PTPN12: variants seen among roughly 807,000 people sequenced by gnomAD.
The protein encoded by PTPN12 is tyrosine-protein phosphatase non-receptor type 12.
Under a neutral mutation model 97.6 loss-of-function variants are expected in PTPN12, and 29 were observed. That is an observed-to-expected ratio of 0.30 (90% CI 0.22 to 0.41). The LOEUF is 0.41. PTPN12 is among the 10% of genes least tolerant of loss of function. The probability of loss-of-function intolerance (pLI) is 1.00; values close to 1 mark genes in which losing one functional copy is unlikely to be tolerated. For missense variants in PTPN12, 819 were observed against 926.0 expected (o/e 0.88, Z 1.50); for synonymous variants, 327 against 300.4 (o/e 1.09, Z -0.91).
At chr7:77,564,746 GTTTTTTTTTTTTTTTT>G (rs764476553) in intron 1 of PTPN12, among the ~76,000 whole-genome samples, 5 of 45,402 alleles carry the variant, frequency 1.1e-4, no homozygotes, top group Non-Finnish European at 1.2e-4. Context: ...TTGTTGTCGT[GTTTTTTTTTTTTTTTT>G]TTTTTTTTTT....
At chr7:77,635,089 C>G (rs980099115) in intron 14 of PTPN12, among the ~76,000 whole-genome samples, 54 of 152,272 alleles carry the variant, frequency 3.5e-4, no homozygotes, top group Admixed American at 1.1e-3. Flanking sequence ...AAGTGATCTG[C>G]CTGCCTCAGC....
At chr7:77,572,884 A>G (rs574462693) in intron 2 of PTPN12, among the ~76,000 whole-genome samples, 3 of 152,210 alleles carry the variant, frequency 2.0e-5, no homozygotes, top group Non-Finnish European at 2.9e-5. Context: ...GGAGTTCGCG[A>G]CCAGCCTGAC....
intron 1 of PTPN12, chr7:77,563,867 A>G: frequency 1.1e-5 from 4 of 357,316 alleles, no homozygotes; most frequent in South Asian, 8.3e-5. Flanking sequence ...TAGTTGAAAG[A>G]CCCTTTGGTT....
chr7:77,574,255 G>A (rs1002951708), intron 2 of PTPN12, among the ~76,000 whole-genome samples: 1 of 152,148 alleles, frequency 6.6e-6, no homozygotes, highest in African/African-American at 2.4e-5. Context: ...TTTGGCTGGG[G>A]TAGTGGGAAA....
Position 77,554,326 on chromosome 7 carries a change from C to G in PTPN12, c.99+16681C>G, listed in dbSNP as rs148737864. Among the ~76,000 whole-genome samples, 1,359 of 152,212 alleles carry G rather than the reference C, an allele frequency of 8.9e-3. 7 individuals are homozygous for G. Among genetic ancestry groups the G allele is most frequent in the Middle Eastern group, 0.017 (5 of 294 alleles). On this transcript the variant is annotated intron_variant, in intron 1 of 17. Transcript: ENST00000248594. ...TTGCAATGTATATTTCCAGCAAATCCAAGTCCATTTTCAGGTAACACTGTA... is the reference window on the plus strand; with the variant it reads ...TTGCAATGTATATTTCCAGCAAATCGAAGTCCATTTTCAGGTAACACTGTA...
chr7:77,547,133 CTG>C (rs1807262979), intron 1 of PTPN12, among the ~76,000 whole-genome samples: 2 of 151,914 alleles, frequency 1.3e-5, no homozygotes, highest in African/African-American at 4.8e-5. Flanking sequence ...AGATTTGTCT[CTG>C]TCATCCATCC....
At chr7:77,592,097 T>A (rs1258187181) in intron 5 of PTPN12, 88 bp from the exon 6 acceptor site, 6 of 1,139,472 alleles carry the variant, frequency 5.3e-6, no homozygotes, top group Non-Finnish European at 7.6e-6. Flanking sequence ...GAAGTAGAAG[T>A]AAGCAGAACC....
intron 11 of PTPN12, among the ~76,000 whole-genome samples, chr7:77,617,848 G>T (rs924926611): frequency 5.3e-5 from 8 of 152,122 alleles, no homozygotes; most frequent in African/African-American, 1.9e-4. Context: ...TGATGTTATT[G>T]GTCCTTGTGA....
chr7:77,585,692 G>A (rs1787667175), intron 5 of PTPN12, 111 bp downstream of exon 5: 1 of 877,762 alleles, frequency 1.1e-6, no homozygotes, highest in South Asian at 1.8e-5. Context: ...CTTTTATTTT[G>A]GGGTACTGCT....
intron 16 of PTPN12, among the ~76,000 whole-genome samples, chr7:77,637,576 G>A (rs1038510053): frequency 6.6e-6 from 1 of 152,040 alleles, no homozygotes; most frequent in African/African-American, 2.4e-5. Flanking sequence ...GAGTTATTAG[G>A]CCTGGCGTGG....
Position 77,585,533 on chromosome 7 carries a change from C to T in PTPN12, c.382-10C>T, listed in dbSNP as rs766397961. 6.2e-7 allele frequency: 1 copy of T among 1,603,608 alleles called. No individual in the cohort carries two copies. The highest frequency in any genetic ancestry group is 8.5e-7 in the Non-Finnish European group (1 of 1,171,354). On this transcript the variant is annotated splice_polypyrimidine_tract_variant and intron_variant, in intron 4 of 17. Transcript: ENST00000248594. ...CGTTCTTTATCTCACTCCCCACCAT[C>T]ACTTTTTAGATCATTGTAATGGCCT...
At chr7:77,592,332 G>A in intron 6 of PTPN12, 76 bp downstream of exon 6, 3 of 1,249,328 alleles carry the variant, frequency 2.4e-6, no homozygotes, top group African/African-American at 1.5e-5. Context: ...ATTATAATGT[G>A]GTATGAACCC....
intron 1 of PTPN12, among the ~76,000 whole-genome samples, chr7:77,558,282 T>C (rs1379203020): frequency 1.3e-5 from 2 of 151,866 alleles, no homozygotes; most frequent in African/African-American, 4.8e-5. Context: ...AACTAGTGTT[T>C]CTAGGTCCAT....
At chr7:77,632,683 A>G (rs1562765355) in intron 14 of PTPN12, among the ~76,000 whole-genome samples, 1 of 152,220 alleles carries the variant, frequency 6.6e-6, no homozygotes, top group Non-Finnish European at 1.5e-5. Context: ...TAGGCTGGGC[A>G]TGGTGGTTCA....
At chr7:77,554,108 A>G (rs1390557683) in intron 1 of PTPN12, among the ~76,000 whole-genome samples, 4 of 152,082 alleles carry the variant, frequency 2.6e-5, no homozygotes, top group Non-Finnish European at 4.4e-5. Context: ...TAGGACTACA[A>G]GTGTGTGCCA....
chr7:77,623,988 C>A (rs1789039126), intron 12 of PTPN12, among the ~76,000 whole-genome samples: 1 of 151,898 alleles, frequency 6.6e-6, no homozygotes, highest in Non-Finnish European at 1.5e-5. Flanking sequence ...AGGCCAGGTA[C>A]AATGCCTCAC....
intron 1 of PTPN12, chr7:77,538,154 G>C (rs1296477424): frequency 4.3e-5 from 42 of 970,994 alleles, no homozygotes; most frequent in Non-Finnish European, 4.7e-5. Flanking sequence ...GTCTCAAAGC[G>C]GGCAGGGTAG....
chr7:77,604,425 G>A (rs1788293498), intron 8 of PTPN12, among the ~76,000 whole-genome samples: 1 of 151,390 alleles, frequency 6.6e-6, no homozygotes, highest in Non-Finnish European at 1.5e-5. Context: ...ATGTTTGTCA[G>A]GCTGGTCTTG....
intron 6 of PTPN12, among the ~76,000 whole-genome samples, chr7:77,597,241 A>G (rs571652097): frequency 6.4e-4 from 98 of 152,280 alleles, no homozygotes; most frequent in Non-Finnish European, 1.2e-3. Flanking sequence ...CTACTGCCTC[A>G]ACCTCCTGAG....
Sources: gnomAD v4.1 joint callset for allele counts (sites outside exome capture counted in the v4.1 genomes callset) on GRCh38, gnomAD v4.1.1 for gene constraint, MANE v1.5 for transcripts, NCBI Gene and HGNC (gene_info 2026-07-23, HGNC 2026-07-21) for gene names.